Variants in MS4A3 observed in about 807,000 individuals in gnomAD.
The protein encoded by MS4A3 is membrane-spanning 4-domains subfamily A member 3.
A neutral mutation model predicts 24.7 loss-of-function variants in MS4A3; 18 were observed. The ratio of observed to expected loss-of-function variants is 0.73; its 90% CI spans 0.50 to 1.08. The LOEUF (loss-of-function observed/expected upper bound fraction) is 1.08, where lower values mean the gene tolerates loss of function less well. Ranked by LOEUF, MS4A3 falls within the 50% of genes least tolerant of loss-of-function variation. The pLI is 0.00. For missense variants in MS4A3, 282 were observed against 251.7 expected, an observed-to-expected ratio of 1.12 and a Z score of -0.82; for synonymous variants, 84 against 95.3, an observed-to-expected ratio of 0.88 and a Z score of 0.69.
intron 1 of MS4A3, among the ~76,000 whole-genome samples, chr11:60,057,800 T>G (rs2134654004): frequency 6.6e-6 from 1 of 152,308 alleles, no homozygotes; most frequent in East Asian, 1.9e-4. Context: ...TCCCTGATTA[T>G]TTTGATTATT....
intron 3 of MS4A3, among the ~76,000 whole-genome samples, chr11:60,063,766 G>C (rs1855314722): frequency 6.6e-6 from 1 of 152,164 alleles, no homozygotes; most frequent in Non-Finnish European, 1.5e-5. Flanking sequence ...TAACTCAGGA[G>C]TGGAAAATCA....
intron 1 of MS4A3, among the ~76,000 whole-genome samples, chr11:60,057,260 C>T (rs1166538943): frequency 2.6e-5 from 4 of 152,164 alleles, no homozygotes; most frequent in Admixed American, 6.5e-5. Flanking sequence ...AGCAGTAGTA[C>T]CCATTCATCT....
chr11:60,068,238 C>CTTTTT lies in MS4A3; in HGVS notation c.513+1141_513+1145dup, dbSNP rs71456407. Among the ~76,000 whole-genome samples the CTTTTT allele has an allele frequency of 3.4e-4, 35 of 103,904 alleles. 1 individual carries two copies. Among genetic ancestry groups the CTTTTT allele is most frequent in the Admixed American group, 7.3e-4 (6 of 8,230 alleles). The allele number at this position is 103,904 out of a possible 152,430, so 68.2% of individuals were successfully genotyped here. A position where few individuals can be genotyped will look rare whatever the true frequency, so the allele number is the denominator to read the frequency against. On this transcript the variant is annotated intron_variant, in intron 5 of 6. Coordinates refer to ENST00000278865, the MANE Select transcript of MS4A3 (RefSeq NM_006138.5). ...AAGGAAAGCTCTTTAATAACCTTAC[C>CTTTTT]TTTTTTTTTTTTTTTTTTTGAGACG...
At chr11:60,068,711 A>G (rs1452594764) in intron 5 of MS4A3, among the ~76,000 whole-genome samples, 1 of 151,902 alleles carries the variant, frequency 6.6e-6, no homozygotes, top group Non-Finnish European at 1.5e-5. Context: ...TCTTTTTATT[A>G]TTATTATTAT....
At chr11:60,070,069 T>A in intron 6 of MS4A3, 135 bp from the exon 7 acceptor site, 1 of 745,654 alleles carries the variant, frequency 1.3e-6, no homozygotes, top group Non-Finnish European at 2.3e-6. Flanking sequence ...GTGTATATAA[T>A]CTTTATGGCA....
Position 60,061,242 on chromosome 11 carries a change from G to T in MS4A3, c.82G>T (p.Glu28Ter). Residue 28 changes from glutamate to a stop codon, truncating the protein, a stop_gained, in exon 2 of 7, where the codon GAG (glutamate) becomes TAG (stop). Transcript: ENST00000278865. LOFTEE classifies it high-confidence loss of function. ...GTPGSEAGPE[E>*]LNTSVYQPID... ...CCCAGGCAGTGAGGCGGGACCAGAA[G>T]AGCTGAATACTTCTGTCTACCAGCC... is the stretch of plus-strand genomic sequence containing the variant. The T allele has an allele frequency of 6.2e-7, 1 of 1,613,940 alleles. No homozygotes were observed. The highest frequency in any genetic ancestry group is 1.7e-5 in the Admixed American group (1 of 59,992).
At chr11:60,061,036 G>A in intron 1 of MS4A3, 110 bp from the exon 2 acceptor site, 2 of 895,114 alleles carry the variant, frequency 2.2e-6, no homozygotes, top group Non-Finnish European at 3.3e-6. Flanking sequence ...CATTTGTGGA[G>A]AGTCATTGTA....
At chr11:60,067,332 GC>G (rs1386957044) in intron 5 of MS4A3, among the ~76,000 whole-genome samples, 1 of 150,886 alleles carries the variant, frequency 6.6e-6, no homozygotes, top group African/African-American at 2.4e-5. Context: ...TCCTGCCTCA[GC>G]CTCCCGAGTA....
chr11:60,067,180 TATATC>T (rs1412296847), intron 5 of MS4A3, 68 bp downstream of exon 5: 4 of 1,228,658 alleles, frequency 3.3e-6, no homozygotes, highest in Non-Finnish European at 2.2e-6. Context: ...AGAAAAATAA[TATATC>T]AGGTACCAAT....
At chr11:60,058,524 A>ATTC (rs1319579162) in intron 1 of MS4A3, among the ~76,000 whole-genome samples, 3 of 140,936 alleles carry the variant, frequency 2.1e-5, no homozygotes, top group African/African-American at 8.8e-5. Flanking sequence ...AAAAAAAAAA[A>ATTC]AAAAAAAAAA....
Position 60,062,594 on chromosome 11 carries a change from G to T in MS4A3, c.283G>T (p.Gly95Cys). The T allele has an allele frequency of 2.5e-6, 4 of 1,613,936 alleles. No homozygotes were observed. The highest frequency in any genetic ancestry group is 3.4e-6 in the Non-Finnish European group (4 of 1,179,946). Reference protein sequence around the residue: ...FTFYTGYPIWGAVFFCSSGTL... With the variant: ...FTFYTGYPIWCAVFFCSSGTL... ...CTTCTACACAGGCTACCCGATTTGG[G>T]GTGCTGTGTTTGTGAGTATTCGTAC... is the stretch of plus-strand genomic sequence containing the variant. The change falls in exon 3 of 7, where the codon GGT (glycine) becomes TGT (cysteine). Residue 95 changes from glycine (G) to cysteine (C), a missense_variant. Physicochemically the swap from Gly to Cys is radical, Grantham distance 159 (BLOSUM62 -3). Transcript: ENST00000278865.
intron 1 of MS4A3, chr11:60,060,822 C>T (rs971493504): frequency 5.9e-6 from 1 of 170,152 alleles, no homozygotes; most frequent in African/African-American, 2.4e-5. Flanking sequence ...CTCAGAGAAA[C>T]CATATGTCTG....
chr11:60,064,300 A>G lies in MS4A3; in HGVS notation c.333A>G (p.Ile111Met), dbSNP rs375869589. The change falls in exon 4 of 7, where the codon ATA becomes ATG. Residue 111 changes from isoleucine (I) to methionine (M), a missense_variant. By Grantham distance (10) the Ile-to-Met change is conservative (BLOSUM62 1). Transcript: ENST00000278865. ...GAACCTTGTCTGTTGTAGCAGGGATAAAACCCACAAGAACATGGGTAAGTA... is the reference window on the plus strand; with the variant it reads ...GAACCTTGTCTGTTGTAGCAGGGATGAAACCCACAAGAACATGGGTAAGTA... ...SSGTLSVVAG[I>M]KPTRTWIQNS... 4 of 1,604,268 alleles carry G rather than the reference A, an allele frequency of 2.5e-6. No individual in the cohort carries two copies. Among genetic ancestry groups the G allele is most frequent in the Non-Finnish European group, 3.4e-6 (4 of 1,175,394 alleles).
rs1466170130 is a variant in MS4A3, at chr11:60,070,620, A to C, written c.*387A>C. 6.2e-6 allele frequency: 1 copy of C among 161,338 alleles called. No individual in the cohort carries two copies. Among genetic ancestry groups the C allele is most frequent in the African/African-American group, 2.4e-5 (1 of 41,876 alleles). 10.0% of individuals were successfully genotyped at this position (161,338 alleles called of 1,614,324 possible). On this transcript the variant is annotated 3_prime_UTR_variant, in exon 7 of 7. Transcript: ENST00000278865. ...ATTCAATATATTTTTTCTAAAATCC[A>C]ACTTCTGACCGCCCAGTAGGAAGAA... is the stretch of plus-strand genomic sequence containing the variant.
chr11:60,060,885 A>C lies in MS4A3; in HGVS notation c.-15-261A>C, dbSNP rs114780547. The C allele has an allele frequency of 6.3e-3, 1,637 of 261,902 alleles. 27 individuals are homozygous for C. Among genetic ancestry groups the C allele is most frequent in the African/African-American group, 0.033 (1,480 of 45,040 alleles). 16.2% of individuals were successfully genotyped at this position (261,902 alleles called of 1,614,324 possible). On this transcript the variant is annotated intron_variant, in intron 1 of 6. Transcript: ENST00000278865. ...CAGGGACTATATATCAGTGCATGCA[A>C]AATGAGAAAGAAATTGCTCTTTACC...
intron 1 of MS4A3, among the ~76,000 whole-genome samples, chr11:60,058,972 C>CG (rs935908738): frequency 9.2e-5 from 14 of 152,120 alleles, no homozygotes; most frequent in African/African-American, 3.1e-4. Flanking sequence ...GTGTTGAACA[C>CG]GGGGGGTTAA....
Position 60,070,281 on chromosome 11 carries a change from T to C in MS4A3, c.*48T>C. Reference sequence around the variant, plus strand: ...GAGAGCATGAATATTTGACCTTAAATCTCCAGTGACTCAGAGCTTCACCCA... The same window carrying C: ...GAGAGCATGAATATTTGACCTTAAACCTCCAGTGACTCAGAGCTTCACCCA... On this transcript the variant is annotated 3_prime_UTR_variant, in exon 7 of 7. Transcript: ENST00000278865. 1 of 1,477,960 alleles carries C rather than the reference T, an allele frequency of 6.8e-7. No homozygotes were observed. Among genetic ancestry groups the C allele is most frequent in the African/African-American group, 1.4e-5 (1 of 72,052 alleles). 91.6% of individuals were successfully genotyped at this position (1,477,960 alleles called of 1,614,324 possible). A position where few individuals can be genotyped will look rare whatever the true frequency, so the allele number is the denominator to read the frequency against.
Position 60,064,067 on chromosome 11 carries a change from C to CAAA in MS4A3, c.295-195_295-194insAAA, listed in dbSNP as rs1554967594. ...GAATAAAACTAATTGCATGGAAAGA[C>CAAA]TAAATAAATAAATAAATAAATAAAT... On this transcript the variant is annotated intron_variant, in intron 3 of 6. Coordinates refer to ENST00000278865, the MANE Select transcript of MS4A3 (RefSeq NM_006138.5). 7.6e-4 allele frequency among the ~76,000 whole-genome samples: 112 copies of CAAA among 147,390 alleles called. 1 individual carries two copies. Among genetic ancestry groups the CAAA allele is most frequent in the African/African-American group, 2.7e-3 (110 of 40,134 alleles).
At chr11:60,068,385 G>A (rs1196251477) in intron 5 of MS4A3, among the ~76,000 whole-genome samples, 2 of 147,562 alleles carry the variant, frequency 1.4e-5, no homozygotes, top group African/African-American at 2.5e-5. Context: ...GACTACAGGC[G>A]CCCGCCACCA....
Sources: gnomAD v4.1 joint callset for allele counts (sites outside exome capture counted in the v4.1 genomes callset) on GRCh38, gnomAD v4.1.1 for gene constraint, MANE v1.5 for transcripts, NCBI Gene and HGNC (gene_info 2026-07-23, HGNC 2026-07-21) for gene names.